CDH11: variants seen among roughly 807,000 people sequenced by gnomAD.
CDH11 encodes the protein cadherin 11.
CDH11 carries 11 observed loss-of-function variants against 67.8 expected under a neutral mutation model. The ratio of observed to expected loss-of-function variants is 0.16; its 90% CI spans 0.10 to 0.27. CDH11 has a LOEUF of 0.27. Among genes scored for constraint, CDH11 ranks in the 10% least tolerant of loss-of-function variants. CDH11 has a pLI of 1.00. For synonymous variants in CDH11, 419 were observed against 400.0 expected (o/e 1.05, Z -0.57); for missense variants, 847 against 1,031.2 (o/e 0.82, Z 2.45).
rs1311633918 is a variant in CDH11 at position 64,948,055 on chromosome 16, G to A, written c.1939C>T (p.Pro647Ser). 6.2e-7 allele frequency: 1 copy of A among 1,614,066 alleles called. No homozygotes were observed. The highest frequency in any genetic ancestry group is 1.1e-5 in the South Asian group (1 of 91,078). Residue 647 changes from proline (P) to serine (S), a missense_variant, in exon 13 of 13, where the codon CCA (proline) becomes TCA (serine). Pro to Ser is a moderately conservative substitution (Grantham distance 74). Coordinates refer to ENST00000268603, the MANE Select transcript of CDH11 (RefSeq NM_001797.4). ...FVTLRRQKKEPLIVFEEEDVR... is the reference protein window; with the variant it reads ...FVTLRRQKKESLIVFEEEDVR... ...TCTTCTTCCTCAAAGACAATGAGTG[G>A]TTCTTTCTTTTGCCTTCTCAGGGTC...
chr16:65,041,139 C>T (rs561451411), intron 2 of CDH11, among the ~76,000 whole-genome samples: 4 of 152,310 alleles, frequency 2.6e-5, no homozygotes, highest in Middle Eastern at 6.8e-3. Flanking sequence ...CTTTGGAGTT[C>T]CTGGATTGAC....
intron 11 of CDH11, among the ~76,000 whole-genome samples, chr16:64,959,046 C>T (rs919506191): frequency 6.6e-6 from 1 of 152,132 alleles, no homozygotes; most frequent in Admixed American, 6.5e-5. Context: ...AATGATGAGC[C>T]TTAACGTACT....
intron 1 of CDH11, among the ~76,000 whole-genome samples, chr16:65,055,655 T>A (rs534904479): frequency 6.6e-6 from 1 of 152,326 alleles, no homozygotes; most frequent in South Asian, 2.1e-4. Flanking sequence ...GTTTCACCCA[T>A]ACTTATTTAG....
chr16:64,946,897 A>C lies in CDH11; in HGVS notation c.*706T>G. ...ATGCCGTAACATTTTCTTACATGTC[A>C]GAATACTGATATTTATACGTATACT... is the stretch of plus-strand genomic sequence containing the variant. On this transcript the variant is annotated 3_prime_UTR_variant, in exon 13 of 13. Transcript: ENST00000268603. The C allele has an allele frequency of 1.2e-6, 1 of 815,178 alleles. No homozygotes were observed. The highest frequency in any genetic ancestry group is 5.8e-5 in the South Asian group (1 of 17,112). 50.5% of individuals were successfully genotyped at this position (815,178 alleles called of 1,614,324 possible).
At chr16:65,094,741 A>G (rs2074857744) in intron 1 of CDH11, 1 of 152,146 alleles carries the variant, frequency 6.6e-6, no homozygotes, top group African/African-American at 2.4e-5. Context: ...TAATGCCCTT[A>G]TCAAGGGACT....
At chr16:65,086,891 A>T (rs1056305677) in intron 1 of CDH11, among the ~76,000 whole-genome samples, 1 of 152,232 alleles carries the variant, frequency 6.6e-6, no homozygotes, top group Non-Finnish European at 1.5e-5. Flanking sequence ...TATACAAATT[A>T]TAGACTCTTA....
At chr16:64,973,097 T>C (rs2072059425) in intron 8 of CDH11, 57 bp from the exon 9 acceptor site, 20 of 1,522,960 alleles carry the variant, frequency 1.3e-5, no homozygotes, top group Non-Finnish European at 1.7e-5. Context: ...GCTTAATATT[T>C]GAATATTTTC....
intron 2 of CDH11, among the ~76,000 whole-genome samples, chr16:65,034,623 T>G (rs1403213157): frequency 6.6e-6 from 1 of 152,122 alleles, no homozygotes; most frequent in Non-Finnish European, 1.5e-5. Flanking sequence ...ATCAGATAAT[T>G]CTTGTTGAAG....
chr16:65,068,389 C>T (rs1318444938), intron 1 of CDH11, among the ~76,000 whole-genome samples: 1 of 115,370 alleles, frequency 8.7e-6, no homozygotes, highest in Non-Finnish European at 1.6e-5. Flanking sequence ...ATGAAGGGAG[C>T]TCCCGAAATA....
intron 2 of CDH11, among the ~76,000 whole-genome samples, chr16:65,051,401 G>A (rs897250251): frequency 5.3e-5 from 8 of 152,098 alleles, no homozygotes; most frequent in African/African-American, 7.2e-5. Flanking sequence ...TGGAGGTAAT[G>A]TTTTTTGCCC....
At chr16:65,089,658 A>G (rs2074761766) in intron 1 of CDH11, among the ~76,000 whole-genome samples, 1 of 152,192 alleles carries the variant, frequency 6.6e-6, no homozygotes, top group South Asian at 2.1e-4. Flanking sequence ...ACTAAATTGC[A>G]AAGGAAAGAA....
Position 65,069,059 on chromosome 16 carries a change from G to A in CDH11, c.-297-15131C>T, listed in dbSNP as rs554365717. 7.2e-5 allele frequency among the ~76,000 whole-genome samples: 11 copies of A among 152,242 alleles called. No homozygotes were observed. In the East Asian group the frequency reaches 7.7e-4, roughly 11 times the overall value. ...CCTTGTCGGTATTGCAATTCTTTGC[G>A]TAATCTCATTAAGTTTCACCCATAT... On this transcript the variant is annotated intron_variant, in intron 1 of 12. Coordinates refer to ENST00000268603, the MANE Select transcript of CDH11 (RefSeq NM_001797.4).
At chr16:65,052,702 T>C (rs2074078358) in intron 2 of CDH11, among the ~76,000 whole-genome samples, 1 of 152,172 alleles carries the variant, frequency 6.6e-6, no homozygotes, top group Non-Finnish European at 1.5e-5. Context: ...TTGTTCAGGA[T>C]ATACATAGAT....
intron 1 of CDH11, 43 bp from the exon 2 acceptor site, chr16:65,053,971 G>C (rs1032186235): frequency 1.8e-5 from 8 of 455,102 alleles, no homozygotes; most frequent in Admixed American, 1.4e-4. Context: ...GTGGTGCCAT[G>C]AATTGACCAA....
chr16:64,953,718 GT>G (rs145351761), intron 11 of CDH11, among the ~76,000 whole-genome samples: 1,918 of 152,142 alleles, frequency 0.013, 39 homozygotes, highest in African/African-American at 0.044. Flanking sequence ...TCTTGTATAT[GT>G]TTTCATAGTT....
At chr16:64,982,722 G>T in intron 7 of CDH11, 1 of 167,096 alleles carries the variant, frequency 6.0e-6, no homozygotes, top group Non-Finnish European at 1.3e-5. Context: ...TTTGATGACT[G>T]CTTCATACCT....
Position 64,988,184 on chromosome 16 carries a change from T to A in CDH11, c.972A>T (p.Thr324=). ...TTTTCAGCTTTATCACCCCCTCCTG[T>A]GTTTCATAGTCCGTTGTGATTTCAA... The part of the protein sequence containing the change: ...ESFEITTDYE[T]QEGVIKLKKP... The change falls in exon 7 of 13, where the codon ACA becomes ACT. Residue 324 remains threonine (T), a synonymous_variant. Transcript: ENST00000268603. 2 of 1,611,554 alleles carry A rather than the reference T, an allele frequency of 1.2e-6. No individual in the cohort carries two copies. Among genetic ancestry groups the A allele is most frequent in the South Asian group, 2.2e-5 (2 of 90,532 alleles).
intron 1 of CDH11, among the ~76,000 whole-genome samples, chr16:65,080,015 A>T (rs1433650817): frequency 6.6e-6 from 1 of 152,196 alleles, no homozygotes. Context: ...AAATTTTAGA[A>T]AATAAAATGT....
At chr16:64,999,801 C>T (rs2072873222) in intron 3 of CDH11, among the ~76,000 whole-genome samples, 1 of 152,158 alleles carries the variant, frequency 6.6e-6, no homozygotes, top group Non-Finnish European at 1.5e-5. Flanking sequence ...TCCCAAAGTG[C>T]TGGGATTACA....
Sources: allele counts gnomAD v4.1 joint callset (sites outside exome capture counted in the v4.1 genomes callset), GRCh38; gene constraint gnomAD v4.1.1; transcripts MANE v1.5; gene names NCBI Gene and HGNC (gene_info 2026-07-23, HGNC 2026-07-21).